The following GCNT3 variants were observed in gnomAD, a reference collection of about 807,000 sequenced individuals.
The protein encoded by GCNT3 is glucosaminyl (N-acetyl) transferase 3, mucin type.
For missense variants in GCNT3, 708 were observed against 530.3 expected, an observed-to-expected ratio of 1.34 and a Z score of -3.29; for synonymous variants, 269 against 195.2, an observed-to-expected ratio of 1.38 and a Z score of -3.15.
chr15:59,613,989 C>G (rs1217771124), intron 1 of GCNT3, among the ~76,000 whole-genome samples: 1 of 152,168 alleles, frequency 6.6e-6, no homozygotes, highest in Non-Finnish European at 1.5e-5. Context: ...GCACTCCAGC[C>G]TGGGTGACAG....
At chr15:59,614,445 C>T (rs1184528368) in intron 1 of GCNT3, among the ~76,000 whole-genome samples, 1 of 151,314 alleles carries the variant, frequency 6.6e-6, no homozygotes, top group South Asian at 2.1e-4. Context: ...ATAGCTACTC[C>T]ATAGACATAG....
chr15:59,612,953 C>G (rs1470333347), intron 1 of GCNT3, among the ~76,000 whole-genome samples: 1 of 151,840 alleles, frequency 6.6e-6, no homozygotes, highest in Non-Finnish European at 1.5e-5. Context: ...ATTAACACTT[C>G]TGCTTGGTCC....
In GCNT3 at chr15:59,612,311, G is replaced by A. The variant is rs1310026409; in HGVS notation, c.-251+330G>A. Among the ~76,000 whole-genome samples the A allele has an allele frequency of 2.0e-5, 3 of 152,202 alleles. No homozygotes were observed. The East Asian group carries it at 5.8e-4, about 29-fold the overall frequency. ...CTAGTGATTAGGAGAAAAAGATTGA[G>A]GAGTCTGAGTGGGAAGAGTTAGCTA... is the stretch of plus-strand genomic sequence containing the variant. On this transcript the variant is annotated intron_variant, in intron 1 of 2. Transcript: ENST00000396065.
At position 59,618,291 on chromosome 15, in the gene GCNT3, G is replaced by A. The variant is rs747363438; in HGVS notation, c.53G>A (p.Cys18Tyr). 3 of 1,610,872 alleles carry A rather than the reference G, an allele frequency of 1.9e-6. No individual in the cohort carries two copies. In the African/African-American group the frequency reaches 4.0e-5, roughly 21 times the overall value. The change falls in exon 3 of 3, where the codon TGC becomes TAC. Residue 18 changes from cysteine (C) to tyrosine (Y), a missense_variant. Physicochemically the swap from Cys to Tyr is radical, Grantham distance 194. Transcript: ENST00000396065. Reference sequence around the variant, plus strand: ...CTGCATTACTTGTGGGCTCTGGGCTGCTATATGCTGCTGGCCACTGTGGCT... The same window carrying A: ...CTGCATTACTTGTGGGCTCTGGGCTACTATATGCTGCTGGCCACTGTGGCT... ...CQLHYLWALG[C>Y]YMLLATVALK...
chr15:59,615,682 A>C (rs943606174), intron 1 of GCNT3, among the ~76,000 whole-genome samples: 63 of 151,998 alleles, frequency 4.1e-4, no homozygotes, highest in African/African-American at 1.4e-3. Flanking sequence ...CAGGAATTTG[A>C]GATGAGCGTG....
At position 59,611,798 on chromosome 15, in the gene GCNT3, C is replaced by G. The variant is rs1356675845; in HGVS notation, c.-434C>G. ...TTACTTCTCTGAGTCAGAGCCTCTT[C>G]TCTCTAAGTCACGGGAACTGCCCTT... On this transcript the variant is annotated 5_prime_UTR_variant, in exon 1 of 3. Coordinates refer to ENST00000396065, the MANE Select transcript of GCNT3 (RefSeq NM_004751.3). The G allele has an allele frequency of 6.6e-6, 1 of 152,186 alleles. No homozygotes were observed. Among genetic ancestry groups the G allele is most frequent in the Non-Finnish European group, 1.5e-5 (1 of 68,050 alleles). The allele number at this position is 152,186 out of a possible 1,614,324, so 9.4% of individuals were successfully genotyped here.
At chr15:59,612,951 T>A (rs1330811593) in intron 1 of GCNT3, among the ~76,000 whole-genome samples, 1 of 151,854 alleles carries the variant, frequency 6.6e-6, no homozygotes, top group Non-Finnish European at 1.5e-5. Flanking sequence ...ACATTAACAC[T>A]TCTGCTTGGT....
chr15:59,619,452 A>G lies in GCNT3; in HGVS notation c.1214A>G (p.His405Arg). The G allele has an allele frequency of 1.9e-6, 3 of 1,614,134 alleles. No individual in the cohort carries two copies. Among genetic ancestry groups the G allele is most frequent in the Non-Finnish European group, 2.5e-6 (3 of 1,180,008 alleles). The stretch of plus-strand genomic sequence containing the variant: ...GACTTGAATTGGATGCTTCAAAACC[A>G]TCACCTGTTGGCCAACAAGTTTGAC... ...AGDLNWMLQN[H>R]HLLANKFDPK... The change falls in exon 3 of 3, where the codon CAT becomes CGT. Residue 405 changes from histidine (H) to arginine (R), a missense_variant. His to Arg is a conservative substitution (Grantham distance 29, BLOSUM62 0). Coordinates refer to ENST00000396065, the MANE Select transcript of GCNT3 (RefSeq NM_004751.3).
chr15:59,612,931 T>A (rs2082702906), intron 1 of GCNT3, among the ~76,000 whole-genome samples: 1 of 151,864 alleles, frequency 6.6e-6, no homozygotes, highest in Admixed American at 6.6e-5. Flanking sequence ...TTTCCCTCAC[T>A]ACATCATAAA....
rs1380890867 is a variant in GCNT3 at position 59,619,374 on chromosome 15, A to G, written c.1136A>G (p.Tyr379Cys). 1 of 1,614,002 alleles carries G rather than the reference A, an allele frequency of 6.2e-7. No homozygotes were observed. The highest frequency in any genetic ancestry group is 1.1e-5 in the South Asian group (1 of 91,072). Residue 379 changes from tyrosine (Y) to cysteine (C), a missense_variant, in exon 3 of 3, where the codon TAT (tyrosine) becomes TGT (cysteine). Transcript: ENST00000396065. Reference sequence around the variant, plus strand: ...GGAGACATCGATAAGGGTGCTCCTTATGCTCCCTGCTCTGGAATCCACCAG... The same window carrying G: ...GGAGACATCGATAAGGGTGCTCCTTGTGCTCCCTGCTCTGGAATCCACCAG... ...HEGDIDKGAP[Y>C]APCSGIHQRA...
At chr15:59,617,207 T>A (rs1281562229) in intron 2 of GCNT3, among the ~76,000 whole-genome samples, 1 of 148,060 alleles carries the variant, frequency 6.8e-6, no homozygotes, top group African/African-American at 2.5e-5. Context: ...GGCTTCCTGG[T>A]CTTCATCGGA....
In GCNT3 at chr15:59,619,564, A is replaced by G. The variant is rs374422549; in HGVS notation, c.*9A>G. On this transcript the variant is annotated 3_prime_UTR_variant, in exon 3 of 3. Coordinates refer to ENST00000396065, the MANE Select transcript of GCNT3 (RefSeq NM_004751.3). ...ATGGGACTGAACTTTGAGACACACT[A>G]TGAGAGCGTTGCTACCTGTGGGGCA... 3.4e-5 allele frequency: 51 copies of G among 1,508,506 alleles called. 1 individual carries two copies. The African/African-American group carries it at 5.9e-4, about 17-fold the overall frequency. 93.4% of individuals were successfully genotyped at this position (1,508,506 alleles called of 1,614,324 possible).
intron 1 of GCNT3, among the ~76,000 whole-genome samples, chr15:59,614,178 C>T (rs1337357664): frequency 6.6e-6 from 1 of 152,134 alleles, no homozygotes; most frequent in African/African-American, 2.4e-5. Context: ...GATTAGAATA[C>T]TGAAGCAAGT....
rs368996460 is a variant in GCNT3, at chr15:59,618,253, G to T, written c.15G>T (p.Lys5Asn). Reference sequence around the variant, plus strand: ...ATTCTGTGACGATGGTTCAATGGAAGAGACTCTGCCAGCTGCATTACTTGT... The same window carrying T: ...ATTCTGTGACGATGGTTCAATGGAATAGACTCTGCCAGCTGCATTACTTGT... MVQW[K>N]RLCQLHYLWA... Residue 5 changes from lysine (K) to asparagine (N), a missense_variant, in exon 3 of 3, where the codon AAG becomes AAT. Lys to Asn is a moderately conservative substitution (Grantham distance 94). Transcript: ENST00000396065. The T allele has an allele frequency of 6.4e-7, 1 of 1,573,214 alleles. No individual in the cohort carries two copies. The highest frequency in any genetic ancestry group is 1.4e-5 in the African/African-American group (1 of 73,460).
intron 1 of GCNT3, among the ~76,000 whole-genome samples, chr15:59,613,620 G>A (rs1406753071): frequency 2.0e-5 from 3 of 152,102 alleles, no homozygotes; most frequent in African/African-American, 4.8e-5. Flanking sequence ...CAGCTACTCA[G>A]GAGGCTGAGG....
chr15:59,618,610 G>T lies in GCNT3; in HGVS notation c.372G>T (p.Leu124=). The T allele has an allele frequency of 6.2e-7, 1 of 1,614,044 alleles. No individual in the cohort carries two copies. The highest frequency in any genetic ancestry group is 8.5e-7 in the Non-Finnish European group (1 of 1,179,958). ...AAAGGAAGTTCATACAGTTCCCACT[G>T]AGCAAAGAAGAGGTGGAGTTCCCTA... The part of the protein sequence containing the change: ...KAERKFIQFP[L]SKEEVEFPIA... Residue 124 remains leucine (L), a synonymous_variant, in exon 3 of 3, where the codon CTG becomes CTT. Coordinates refer to ENST00000396065, the MANE Select transcript of GCNT3 (RefSeq NM_004751.3).
At chr15:59,613,163 A>G (rs904990888) in intron 1 of GCNT3, among the ~76,000 whole-genome samples, 4 of 152,070 alleles carry the variant, frequency 2.6e-5, no homozygotes, top group African/African-American at 9.7e-5. Context: ...ATTAGCTTCT[A>G]TTATGCAAAA....
intron 1 of GCNT3, among the ~76,000 whole-genome samples, chr15:59,612,369 T>C (rs1420990689): frequency 6.6e-6 from 1 of 152,228 alleles, no homozygotes; most frequent in Non-Finnish European, 1.5e-5. Context: ...GTAGTCATTG[T>C]AGGAAAACTC....
Position 59,622,173 on chromosome 15 carries a change from C to A in GCNT3, c.*2618C>A, listed in dbSNP as rs188276573. On this transcript the variant is annotated 3_prime_UTR_variant, in exon 3 of 3. Transcript: ENST00000396065. Reference sequence around the variant, plus strand: ...ACTAAAAATATAAAAATTAGCCAGACATGGTGGTGGGTACCTGTAATCCCA... The same window carrying A: ...ACTAAAAATATAAAAATTAGCCAGAAATGGTGGTGGGTACCTGTAATCCCA... The A allele has an allele frequency of 2.3e-4, 35 of 152,022 alleles. No homozygotes were observed. Among genetic ancestry groups the A allele is most frequent in the African/African-American group, 7.0e-4 (29 of 41,472 alleles). 9.4% of individuals were successfully genotyped at this position (152,022 alleles called of 1,614,324 possible). A position where few individuals can be genotyped will look rare whatever the true frequency, so the allele number is the denominator to read the frequency against.
Sources: allele counts gnomAD v4.1 joint callset (sites outside exome capture counted in the v4.1 genomes callset), GRCh38; gene constraint gnomAD v4.1.1; transcripts MANE v1.5; gene names NCBI Gene and HGNC (gene_info 2026-07-23, HGNC 2026-07-21).